Variants in RGS21 observed in about 807,000 individuals in gnomAD.
RGS21 encodes the protein regulator of G protein signaling 21.
Under a neutral mutation model 18.7 loss-of-function variants are expected in RGS21, and 19 were observed. That is an observed-to-expected ratio of 1.01 (90% CI 0.71 to 1.49). The LOEUF (loss-of-function observed/expected upper bound fraction) is 1.49, where lower values mean the gene tolerates loss of function less well. Ranked by LOEUF, RGS21 falls within the 40% of genes most tolerant of loss-of-function variation. RGS21 has a pLI of 0.00. For missense variants in RGS21, 194 were observed against 176.8 expected (o/e 1.10, Z -0.55); for synonymous variants, 56 against 57.8 (o/e 0.97, Z 0.14).
intron 1 of RGS21, among the ~76,000 whole-genome samples, chr1:192,329,365 T>C (rs1658613451): frequency 1.3e-5 from 2 of 152,112 alleles, no homozygotes; most frequent in African/African-American, 4.8e-5. Flanking sequence ...AGGCCATTTC[T>C]CTGAGATTAA....
At chr1:192,363,485 C>A (rs548690216) in intron 4 of RGS21, among the ~76,000 whole-genome samples, 1 of 152,226 alleles carries the variant, frequency 6.6e-6, no homozygotes, top group African/African-American at 2.4e-5. Flanking sequence ...CATATTCCCA[C>A]AACACCAGAT....
chr1:192,345,291 T>C (rs988954869), intron 2 of RGS21, among the ~76,000 whole-genome samples: 1 of 152,100 alleles, frequency 6.6e-6, no homozygotes, highest in Non-Finnish European at 1.5e-5. Context: ...AGGTCCATGA[T>C]GATTCAGTGA....
At chr1:192,326,016 CA>C (rs1658563982) in intron 1 of RGS21, among the ~76,000 whole-genome samples, 1 of 151,938 alleles carries the variant, frequency 6.6e-6, no homozygotes, top group Non-Finnish European at 1.5e-5. Context: ...TAATTATTTA[CA>C]TTATTAAGAT....
chr1:192,331,158 G>A (rs1227445005), intron 1 of RGS21, among the ~76,000 whole-genome samples: 1 of 152,140 alleles, frequency 6.6e-6, no homozygotes, highest in Non-Finnish European at 1.5e-5. Context: ...TTAATGTCCG[G>A]CTGTATGCAG....
rs922100646 is a variant in RGS21 at position 192,343,040 on chromosome 1, C to A, written c.4C>A (p.Pro2Thr). Residue 2 changes from proline to threonine, a missense_variant, in exon 2 of 5, where the codon CCA becomes ACA. By Grantham distance (38) the Pro-to-Thr change is conservative. Coordinates refer to ENST00000417209, the MANE Select transcript of RGS21 (RefSeq NM_001039152.3). MPVKCCFYRSPT... is the reference protein window; with the variant it reads MTVKCCFYRSPT... ...GTGACAGACAGTGGAACGAAAAATGCCAGTGAAGTGAGTTGCCGTTTCCAG... is the reference window on the plus strand; with the variant it reads ...GTGACAGACAGTGGAACGAAAAATGACAGTGAAGTGAGTTGCCGTTTCCAG... 6.2e-7 allele frequency: 1 copy of A among 1,612,336 alleles called. No homozygotes were observed. Among genetic ancestry groups the A allele is most frequent in the Non-Finnish European group, 8.5e-7 (1 of 1,178,648 alleles).
chr1:192,343,121 G>A (rs576169929), intron 2 of RGS21, 74 bp downstream of exon 2: 4 of 1,353,358 alleles, frequency 3.0e-6, no homozygotes, highest in South Asian at 2.3e-5. Flanking sequence ...TTTTAGTCTC[G>A]ATGTTTTATT....
chr1:192,319,033 C>A (rs920908997), intron 1 of RGS21, among the ~76,000 whole-genome samples: 3 of 151,902 alleles, frequency 2.0e-5, no homozygotes, highest in African/African-American at 7.3e-5. Context: ...AATTCAAGAC[C>A]AGTCCGGGAA....
chr1:192,365,431 G>A lies in RGS21; in HGVS notation c.256-490G>A, dbSNP rs375184715. On this transcript the variant is annotated intron_variant, in intron 4 of 4. Transcript: ENST00000417209. ...AGATGAGAATCACTAAAGAGGGGATGTTATTTGATCCATTTATCAAATAAA... is the reference window on the plus strand; with the variant it reads ...AGATGAGAATCACTAAAGAGGGGATATTATTTGATCCATTTATCAAATAAA... Among the ~76,000 whole-genome samples the A allele has an allele frequency of 3.9e-5, 6 of 152,180 alleles. No homozygotes were observed. In the East Asian group the frequency reaches 1.2e-3, roughly 29 times the overall value.
chr1:192,331,328 C>G (rs1280106554), intron 1 of RGS21, among the ~76,000 whole-genome samples: 1 of 151,990 alleles, frequency 6.6e-6, no homozygotes, highest in Non-Finnish European at 1.5e-5. Flanking sequence ...CCTAGGCAGG[C>G]AGATCATGAG....
intron 1 of RGS21, among the ~76,000 whole-genome samples, chr1:192,324,992 T>A (rs1658547577): frequency 6.6e-6 from 1 of 152,092 alleles, no homozygotes. Flanking sequence ...CTTCTCTCCG[T>A]TTTTAATTTC....
intron 4 of RGS21, among the ~76,000 whole-genome samples, chr1:192,359,471 C>G (rs1223204540): frequency 6.6e-6 from 1 of 151,886 alleles, no homozygotes; most frequent in Non-Finnish European, 1.5e-5. Context: ...AATATTTCAT[C>G]TGTCTTACTT....
intron 2 of RGS21, 35 bp downstream of exon 2, chr1:192,343,082 A>G (rs1557978091): frequency 3.1e-6 from 5 of 1,603,784 alleles, no homozygotes; most frequent in Non-Finnish European, 4.3e-6. Context: ...TTATCTCAGA[A>G]GATGTACAAA....
chr1:192,352,979 GAGCGTT>G (rs1368619838), intron 4 of RGS21, among the ~76,000 whole-genome samples: 4 of 151,918 alleles, frequency 2.6e-5, no homozygotes, highest in Non-Finnish European at 5.9e-5. Flanking sequence ...CATAAACAAA[GAGCGTT>G]AATGTATAAG....
chr1:192,317,661 T>C (rs1452302162), intron 1 of RGS21, among the ~76,000 whole-genome samples: 1 of 152,006 alleles, frequency 6.6e-6, no homozygotes, highest in East Asian at 1.9e-4. Flanking sequence ...ATGTCTTTAC[T>C]TATATATGGT....
At position 192,367,001 on chromosome 1, in the gene RGS21, T is replaced by C. The variant is rs1451577471; in HGVS notation, c.*877T>C. 1 of 152,092 alleles carries C rather than the reference T, an allele frequency of 6.6e-6. No individual in the cohort carries two copies. The highest frequency in any genetic ancestry group is 1.5e-5 in the Non-Finnish European group (1 of 67,968). 9.4% of individuals were successfully genotyped at this position (152,092 alleles called of 1,614,324 possible). A position where few individuals can be genotyped will look rare whatever the true frequency, so the allele number is the denominator to read the frequency against. On this transcript the variant is annotated 3_prime_UTR_variant, in exon 5 of 5. Coordinates refer to ENST00000417209, the MANE Select transcript of RGS21 (RefSeq NM_001039152.3). ...ATTTTTAAATGCATTTATTTTGAGA[T>C]GTTCCTAAAATTGTTTCATTCTATA...
chr1:192,362,991 C>G (rs1251462061), intron 4 of RGS21, among the ~76,000 whole-genome samples: 1 of 151,916 alleles, frequency 6.6e-6, no homozygotes, highest in African/African-American at 2.4e-5. Context: ...AACTTCAATG[C>G]TAGGTGTTAG....
At chr1:192,325,876 C>A (rs984127759) in intron 1 of RGS21, among the ~76,000 whole-genome samples, 1 of 151,914 alleles carries the variant, frequency 6.6e-6, no homozygotes, top group African/African-American at 2.4e-5. Flanking sequence ...GTGAGTTTTT[C>A]TAGTTTTAAA....
At chr1:192,330,788 T>C (rs192140349) in intron 1 of RGS21, among the ~76,000 whole-genome samples, 2 of 152,368 alleles carry the variant, frequency 1.3e-5, no homozygotes, top group Admixed American at 1.3e-4. Flanking sequence ...TGTGAAGTTA[T>C]GTTAATGATA....
rs1438288243 is a variant in RGS21 at position 192,352,447 on chromosome 1, GCAA to G, written c.255+238_255+240del. ...GTATGACTAATATTTCTGTCTCTTT[GCAA>G]CAATACTCAGGCCCTTGAAAAATAA... On this transcript the variant is annotated intron_variant, in intron 4 of 4. Coordinates refer to ENST00000417209, the MANE Select transcript of RGS21 (RefSeq NM_001039152.3). Among the ~76,000 whole-genome samples the G allele has an allele frequency of 5.3e-5, 8 of 151,742 alleles. No individual in the cohort carries two copies. In the South Asian group the frequency reaches 6.2e-4, roughly 12 times the overall value.
Sources: allele counts gnomAD v4.1 joint callset (sites outside exome capture counted in the v4.1 genomes callset), GRCh38; gene constraint gnomAD v4.1.1; transcripts MANE v1.5; gene names NCBI Gene and HGNC (gene_info 2026-07-23, HGNC 2026-07-21).